NUP205: variants seen among roughly 807,000 people sequenced by gnomAD.
NUP205 encodes nucleoporin 205, also known as nuclear pore complex protein Nup205.
In NUP205, 76 loss-of-function variants were observed where a neutral mutation model predicts 253.8. That is an observed-to-expected ratio of 0.30 (90% confidence interval 0.25 to 0.36). The LOEUF (loss-of-function observed/expected upper bound fraction) is 0.36, where lower values mean the gene tolerates loss of function less well. Ranked by LOEUF, NUP205 falls within the 10% of genes least tolerant of loss-of-function variation. NUP205 has a pLI of 1.00. For synonymous variants in NUP205, 832 were observed against 850.1 expected, an observed-to-expected ratio of 0.98 and a Z score of 0.37; for missense variants, 2,162 against 2,425.5, an observed-to-expected ratio of 0.89 and a Z score of 2.28.
Position 135,637,913 on chromosome 7 carries a change from A to T in NUP205, c.5137-18A>T. The T allele has an allele frequency of 6.3e-7, 1 of 1,595,696 alleles. No individual in the cohort carries two copies. The highest frequency in any genetic ancestry group is 8.5e-7 in the Non-Finnish European group (1 of 1,174,512). On this transcript the variant is annotated intron_variant, in intron 36 of 42. Coordinates refer to ENST00000285968, the MANE Select transcript of NUP205 (RefSeq NM_015135.3). Reference sequence around the variant, plus strand: ...ACTAATTTTAAATACATTTAACAAGATATCTTTTTCTTGTTAGCGCCAGTG... The same window carrying T: ...ACTAATTTTAAATACATTTAACAAGTTATCTTTTTCTTGTTAGCGCCAGTG...
At chr7:135,567,738 T>G (rs2129489622) in intron 1 of NUP205, among the ~76,000 whole-genome samples, 1 of 152,324 alleles carries the variant, frequency 6.6e-6, no homozygotes, top group African/African-American at 2.4e-5. Flanking sequence ...TGGATTTGGG[T>G]TTTCTCAACA....
chr7:135,567,156 A>G (rs187074683), intron 1 of NUP205, among the ~76,000 whole-genome samples: 6 of 94,112 alleles, frequency 6.4e-5, no homozygotes, highest in African/African-American at 2.4e-4. Context: ...ATATATATAT[A>G]TATATATATA....
At chr7:135,563,335 A>C (rs539719218) in intron 1 of NUP205, among the ~76,000 whole-genome samples, 45 of 152,056 alleles carry the variant, frequency 3.0e-4, no homozygotes, top group Non-Finnish European at 4.7e-4. Context: ...CTACAGGCGC[A>C]TGCCATCACG....
At position 135,570,988 on chromosome 7, in the gene NUP205, A is replaced by G; in HGVS notation, c.29-117A>G. 4 of 356,740 alleles carry G rather than the reference A, an allele frequency of 1.1e-5. No homozygotes were observed. In the South Asian group the frequency reaches 2.0e-4, roughly 18 times the overall value. 22.1% of individuals were successfully genotyped at this position (356,740 alleles called of 1,614,324 possible). A position where few individuals can be genotyped will look rare whatever the true frequency, so the allele number is the denominator to read the frequency against. On this transcript the variant is annotated intron_variant, in intron 1 of 42. Coordinates refer to ENST00000285968, the MANE Select transcript of NUP205 (RefSeq NM_015135.3). ...AATTGATAATTATATTAATTAAGAT[A>G]ACTTCCTAGATTAAAAAGTAGCTGT...
At position 135,576,354 on chromosome 7, in the gene NUP205, C is replaced by A. The variant is rs748358929; in HGVS notation, c.428C>A (p.Ala143Glu). Residue 143 changes from alanine to glutamate, a missense_variant, in exon 4 of 43, where the codon GCG (alanine) becomes GAG (glutamate). Around this residue, in one of 5 missense-constraint regions of NUP205, gnomAD observed 892 missense variants for 957.1 expected, o/e 0.93. Transcript: ENST00000285968. ...LLYWDGKRCI[A>E]NSLKALIQSR... ...TACTGGGATGGAAAGCGATGCATTGCGAATTCCTTGAAAGCCTTGATACAG... is the reference window on the plus strand; with the variant it reads ...TACTGGGATGGAAAGCGATGCATTGAGAATTCCTTGAAAGCCTTGATACAG... The A allele has an allele frequency of 6.2e-7, 1 of 1,613,594 alleles. No homozygotes were observed. The highest frequency in any genetic ancestry group is 8.5e-7 in the Non-Finnish European group (1 of 1,179,774).
intron 1 of NUP205, among the ~76,000 whole-genome samples, chr7:135,570,767 AT>A (rs1334325112): frequency 1.1e-5 from 1 of 88,236 alleles, no homozygotes; most frequent in African/African-American, 4.5e-5. Flanking sequence ...TATATATTAT[AT>A]TAATATATAT....
chr7:135,608,302 G>A (rs1326917959), intron 22 of NUP205, among the ~76,000 whole-genome samples: 1 of 152,064 alleles, frequency 6.6e-6, no homozygotes, highest in African/African-American at 2.4e-5. Context: ...GGGATTATAG[G>A]CATGAGCCAC....
chr7:135,620,299 C>T (rs1430583969), intron 30 of NUP205, among the ~76,000 whole-genome samples: 7 of 152,078 alleles, frequency 4.6e-5, no homozygotes, highest in African/African-American at 9.7e-5. Flanking sequence ...TTTGGGAGGC[C>T]GAGGCCTGTG....
chr7:135,573,904 T>C, intron 3 of NUP205, 79 bp downstream of exon 3: 1 of 1,117,124 alleles, frequency 9.0e-7, no homozygotes, highest in South Asian at 1.5e-5. Flanking sequence ...TAGTTTATTG[T>C]TTAGATTCTA....
At chr7:135,623,950 T>A (rs1794527799) in intron 31 of NUP205, among the ~76,000 whole-genome samples, 1 of 151,900 alleles carries the variant, frequency 6.6e-6, no homozygotes, top group African/African-American at 2.4e-5. Flanking sequence ...GCCTGGCTAA[T>A]TTTTTGTAGT....
intron 35 of NUP205, among the ~76,000 whole-genome samples, chr7:135,634,423 A>G (rs1352009222): frequency 6.6e-6 from 1 of 152,152 alleles, no homozygotes; most frequent in East Asian, 1.9e-4. Context: ...AAGTTTGAGG[A>G]CAAAGAGGAA....
At chr7:135,617,473 C>A in intron 26 of NUP205, 129 bp from the exon 27 acceptor site, 2 of 730,958 alleles carry the variant, frequency 2.7e-6, no homozygotes, top group Non-Finnish European at 2.2e-6. Flanking sequence ...TTGGACAGTG[C>A]TCCTGTTAGA....
chr7:135,587,055 GTTT>G (rs541860736), intron 8 of NUP205, among the ~76,000 whole-genome samples: 2 of 141,380 alleles, frequency 1.4e-5, no homozygotes, highest in Non-Finnish European at 1.6e-5. Context: ...GTCTAGCTAT[GTTT>G]TTTTTTTTTT....
At chr7:135,570,744 T>C (rs1318631812) in intron 1 of NUP205, among the ~76,000 whole-genome samples, 7 of 82,452 alleles carry the variant, frequency 8.5e-5, no homozygotes, top group African/African-American at 2.4e-4. Flanking sequence ...TATATTAATA[T>C]ATTAATTATA....
intron 34 of NUP205, among the ~76,000 whole-genome samples, chr7:135,629,995 A>G (rs1388564945): frequency 1.3e-5 from 2 of 152,188 alleles, no homozygotes; most frequent in African/African-American, 4.8e-5. Context: ...CATTTGGCCA[A>G]ACAATAAAGA....
At chr7:135,567,128 GTATATA>G (rs1163648935) in intron 1 of NUP205, among the ~76,000 whole-genome samples, 3 of 7,228 alleles carry the variant, frequency 4.2e-4, no homozygotes, top group African/African-American at 1.5e-3. Flanking sequence ...GTCTATGTGT[GTATATA>G]TATATATATA....
intron 7 of NUP205, among the ~76,000 whole-genome samples, chr7:135,580,907 C>T (rs1300930307): frequency 6.6e-6 from 1 of 152,060 alleles, no homozygotes; most frequent in African/African-American, 2.4e-5. Flanking sequence ...CTATAGTTTG[C>T]TGTAGAATAA....
In NUP205 at chr7:135,606,845, C is replaced by G. The variant is rs758760323; in HGVS notation, c.3000C>G (p.Pro1000=). Residue 1000 remains proline (P), a synonymous_variant, in exon 21 of 43, where the codon CCC becomes CCG. Coordinates refer to ENST00000285968, the MANE Select transcript of NUP205 (RefSeq NM_015135.3). ...LLITSLECNP[P]NLALYLLGFE... Reference sequence around the variant, plus strand: ...TTACCTCTCTGGAATGCAATCCACCCAATCTTGCTCTCTACCTGTTGGGCT... The same window carrying G: ...TTACCTCTCTGGAATGCAATCCACCGAATCTTGCTCTCTACCTGTTGGGCT... The G allele has an allele frequency of 6.2e-7, 1 of 1,613,872 alleles. No homozygotes were observed. The highest frequency in any genetic ancestry group is 2.2e-5 in the East Asian group (1 of 44,852).
At chr7:135,564,819 G>A (rs938234648) in intron 1 of NUP205, among the ~76,000 whole-genome samples, 8 of 151,888 alleles carry the variant, frequency 5.3e-5, no homozygotes, top group African/African-American at 1.9e-4. Context: ...CCAGACTGGA[G>A]TGCAGTGGTG....
Sources: allele counts gnomAD v4.1 joint callset (sites outside exome capture counted in the v4.1 genomes callset), GRCh38; gene constraint gnomAD v4.1.1; regional missense constraint gnomAD v4.1.1; transcripts MANE v1.5; gene names NCBI Gene and HGNC (gene_info 2026-07-23, HGNC 2026-07-21).